Variants in PTPRD observed in about 807,000 individuals in gnomAD.
PTPRD encodes protein tyrosine phosphatase receptor type D, also known as receptor-type tyrosine-protein phosphatase delta.
In PTPRD, 34 loss-of-function variants were observed where a neutral mutation model predicts 214.5. The observed-to-expected ratio is 0.16, with a 90% CI of 0.12 to 0.21. The LOEUF (loss-of-function observed/expected upper bound fraction) is 0.21, where lower values mean the gene tolerates loss of function less well. Among genes scored for constraint, PTPRD ranks in the 10% least tolerant of loss-of-function variants. PTPRD has a pLI of 1.00. For synonymous variants in PTPRD, 1,128 were observed against 845.7 expected (o/e 1.33, Z -5.79); for missense variants, 2,545 against 2,398.7 (o/e 1.06, Z -1.27).
chr9:8,423,303 C>G (rs1479406440), intron 35 of PTPRD, among the ~76,000 whole-genome samples: 1 of 151,992 alleles, frequency 6.6e-6, no homozygotes, highest in Non-Finnish European at 1.5e-5. Context: ...CAAAAGCAAA[C>G]AAAACAATAA....
At chr9:8,324,297 G>A (rs1196858050) in intron 44 of PTPRD, among the ~76,000 whole-genome samples, 1 of 152,024 alleles carries the variant, frequency 6.6e-6, no homozygotes, top group Non-Finnish European at 1.5e-5. Context: ...TCGCTTCCCT[G>A]CGTCCACGTG....
intron 22 of PTPRD, among the ~76,000 whole-genome samples, chr9:8,505,624 C>CAAAAAAAAAA (rs954059567): frequency 5.4e-5 from 3 of 55,722 alleles, no homozygotes; most frequent in African/African-American, 8.3e-5. Context: ...GACTCTGTCT[C>CAAAAAAAAAA]AAAAAAAAAA....
At chr9:8,553,269 GA>G (rs1159723300) in intron 14 of PTPRD, among the ~76,000 whole-genome samples, 3 of 151,916 alleles carry the variant, frequency 2.0e-5, no homozygotes, top group Non-Finnish European at 4.4e-5. Flanking sequence ...ATTAGTGAAA[GA>G]AAAAAAGGAA....
At chr9:9,790,399 C>A (rs188850500) in intron 5 of PTPRD, among the ~76,000 whole-genome samples, 7 of 152,280 alleles carry the variant, frequency 4.6e-5, no homozygotes, top group Admixed American at 4.6e-4. Context: ...TGCTTCCCTG[C>A]TTATTGTTTT....
chr9:10,119,975 T>C (rs1044347815), intron 3 of PTPRD, among the ~76,000 whole-genome samples: 2 of 152,178 alleles, frequency 1.3e-5, no homozygotes, highest in South Asian at 2.1e-4. Flanking sequence ...TTTATTATTA[T>C]GATTGTACAA....
intron 9 of PTPRD, among the ~76,000 whole-genome samples, chr9:9,303,573 T>C (rs1476735294): frequency 6.6e-6 from 1 of 152,104 alleles, no homozygotes; most frequent in African/African-American, 2.4e-5. Context: ...TGTGGTTATG[T>C]GGATTTTACT....
intron 9 of PTPRD, among the ~76,000 whole-genome samples, chr9:9,319,651 T>C (rs1965387816): frequency 6.6e-6 from 1 of 152,190 alleles, no homozygotes; most frequent in South Asian, 2.1e-4. Flanking sequence ...ACACCTCTTC[T>C]TAGAGGTAGC....
chr9:9,986,070 A>C (rs1336623660), intron 4 of PTPRD, among the ~76,000 whole-genome samples: 1 of 152,178 alleles, frequency 6.6e-6, no homozygotes, highest in Non-Finnish European at 1.5e-5. Context: ...CTTTTCACTA[A>C]TTAAAACTGT....
intron 3 of PTPRD, among the ~76,000 whole-genome samples, chr9:10,328,432 G>A (rs1360466464): frequency 6.6e-6 from 1 of 151,684 alleles, no homozygotes; most frequent in Non-Finnish European, 1.5e-5. Flanking sequence ...GGTTTTTCAA[G>A]ATTTGAGAGT....
chr9:10,084,897 T>C (rs1022816358), intron 3 of PTPRD, among the ~76,000 whole-genome samples: 2 of 152,012 alleles, frequency 1.3e-5, no homozygotes, highest in East Asian at 1.9e-4. Context: ...CTAGCATACA[T>C]AGAAGATCTC....
intron 35 of PTPRD, among the ~76,000 whole-genome samples, chr9:8,432,527 C>T (rs545274701): frequency 2.2e-4 from 34 of 152,300 alleles, no homozygotes; most frequent in African/African-American, 8.2e-4. Flanking sequence ...AAAAAATTAG[C>T]TTCGTGCATC....
At chr9:9,641,965 C>T (rs577214344) in intron 7 of PTPRD, among the ~76,000 whole-genome samples, 153 of 151,914 alleles carry the variant, frequency 1.0e-3, no homozygotes, top group African/African-American at 3.5e-3. Flanking sequence ...CACATGCACA[C>T]GTATGTTTAT....
chr9:8,692,310 T>C (rs557071888), intron 12 of PTPRD, among the ~76,000 whole-genome samples: 1 of 152,326 alleles, frequency 6.6e-6, no homozygotes, highest in South Asian at 2.1e-4. Flanking sequence ...ACGGAGGCTT[T>C]GCTCCATGTA....
intron 11 of PTPRD, among the ~76,000 whole-genome samples, chr9:8,934,451 T>TTA (rs1375625713): frequency 7.3e-5 from 1 of 13,670 alleles, no homozygotes; most frequent in African/African-American, 2.5e-4. Context: ...ATATATAAAT[T>TTA]TATATATATA....
At chr9:10,055,390 A>G (rs2097612313) in intron 3 of PTPRD, among the ~76,000 whole-genome samples, 1 of 151,958 alleles carries the variant, frequency 6.6e-6, no homozygotes, top group Non-Finnish European at 1.5e-5. Context: ...TTTTCCATAT[A>G]CTCTTTCACT....
chr9:9,160,377 GAA>G (rs1592659031), intron 10 of PTPRD, among the ~76,000 whole-genome samples: 1 of 152,214 alleles, frequency 6.6e-6, no homozygotes, highest in East Asian at 1.9e-4. Context: ...CAAAGGATTT[GAA>G]AACACATTTT....
chr9:9,820,961 T>C (rs1232313618), intron 5 of PTPRD, among the ~76,000 whole-genome samples: 2 of 152,158 alleles, frequency 1.3e-5, no homozygotes, highest in East Asian at 3.8e-4. Flanking sequence ...GCTTTGGCTA[T>C]TTTTTGGTTC....
At chr9:10,194,317 CATATATATATATAT>C (rs5896377) in intron 3 of PTPRD, among the ~76,000 whole-genome samples, 1 of 75,860 alleles carries the variant, frequency 1.3e-5, no homozygotes, top group African/African-American at 5.3e-5. Flanking sequence ...TATAGCTATT[CATATATATATATAT>C]ATATATATAT....
intron 14 of PTPRD, among the ~76,000 whole-genome samples, chr9:8,536,422 TAC>T (rs1380663707): frequency 2.0e-5 from 3 of 151,874 alleles, no homozygotes; most frequent in African/African-American, 7.3e-5. Context: ...CACACACATA[TAC>T]ACACACATAT....
Sources: allele counts gnomAD v4.1 joint callset (sites outside exome capture counted in the v4.1 genomes callset), GRCh38; gene constraint gnomAD v4.1.1; transcripts MANE v1.5; gene names NCBI Gene and HGNC (gene_info 2026-07-23, HGNC 2026-07-21).